The following CMTM8 variants were observed in gnomAD, a reference collection of about 807,000 sequenced individuals.
CMTM8 encodes the protein CKLF like MARVEL transmembrane domain containing 8.
Under a neutral mutation model 18.6 loss-of-function variants are expected in CMTM8, and 12 were observed. That is an observed-to-expected ratio of 0.65 (90% CI 0.41 to 1.05). The LOEUF is 1.05. Ranked by LOEUF, CMTM8 falls within the 50% of genes least tolerant of loss-of-function variation. The probability of loss-of-function intolerance (pLI) is 0.00; values close to 1 mark genes in which losing one functional copy is unlikely to be tolerated. For synonymous variants in CMTM8, 87 were observed against 90.6 expected (o/e 0.96, Z 0.23); for missense variants, 217 against 227.2 (o/e 0.95, Z 0.29).
intron 1 of CMTM8, among the ~76,000 whole-genome samples, chr3:32,276,281 G>C (rs1187943895): frequency 6.6e-6 from 1 of 152,132 alleles, no homozygotes; most frequent in Non-Finnish European, 1.5e-5. Context: ...TCAGTGAGGG[G>C]GTGCAGAGAA....
intron 2 of CMTM8, among the ~76,000 whole-genome samples, chr3:32,361,230 C>A (rs1209888652): frequency 6.8e-6 from 1 of 146,572 alleles, no homozygotes; most frequent in Non-Finnish European, 1.5e-5. Context: ...ATCCACCCGC[C>A]TCGGTCTCCC....
intron 1 of CMTM8, among the ~76,000 whole-genome samples, chr3:32,274,314 A>T (rs1468859449): frequency 3.3e-5 from 5 of 151,624 alleles, no homozygotes; most frequent in African/African-American, 4.9e-5. Context: ...AAAAAAAAAA[A>T]TTTCATGTTT....
chr3:32,272,764 A>T (rs532265770), intron 1 of CMTM8, among the ~76,000 whole-genome samples: 1 of 152,294 alleles, frequency 6.6e-6, no homozygotes, highest in East Asian at 1.9e-4. Flanking sequence ...GAGATACTCA[A>T]GTTAATTTGC....
intron 1 of CMTM8, among the ~76,000 whole-genome samples, chr3:32,289,646 C>T (rs896815796): frequency 2.0e-5 from 3 of 152,162 alleles, no homozygotes; most frequent in African/African-American, 7.2e-5. Flanking sequence ...GCCAGTCTAA[C>T]TGAAATAGAT....
intron 1 of CMTM8, among the ~76,000 whole-genome samples, chr3:32,244,863 A>C (rs1434019716): frequency 6.6e-6 from 1 of 152,178 alleles, no homozygotes; most frequent in Non-Finnish European, 1.5e-5. Flanking sequence ...ATATAAATCT[A>C]AGGGTTTTGT....
rs62244968 is a variant in CMTM8, at chr3:32,357,865, A to G, written c.321+319A>G. On this transcript the variant is annotated intron_variant, in intron 2 of 3. Transcript: ENST00000307526. ...TATTATTTCCCTGTGAACAATGTCA[A>G]CTGGAAATAAATATGCCAGGGCGCC... Among the ~76,000 whole-genome samples the G allele has an allele frequency of 3.6e-3, 553 of 152,308 alleles. 3 individuals are homozygous for G. The highest frequency in any genetic ancestry group is 5.5e-3 in the Non-Finnish European group (375 of 68,028).
At chr3:32,285,237 G>A (rs1702660402) in intron 1 of CMTM8, among the ~76,000 whole-genome samples, 1 of 152,146 alleles carries the variant, frequency 6.6e-6, no homozygotes, top group African/African-American at 2.4e-5. Context: ...TGCAGTGGCT[G>A]GGTGCAGTGG....
chr3:32,291,840 G>C (rs1221258137), intron 1 of CMTM8, among the ~76,000 whole-genome samples: 1 of 152,176 alleles, frequency 6.6e-6, no homozygotes, highest in Non-Finnish European at 1.5e-5. Flanking sequence ...CTTAAACCTA[G>C]TTCCTAGAAT....
Position 32,362,046 on chromosome 3 carries a change from CTTT to C in CMTM8, c.321+4509_321+4511del, listed in dbSNP as rs60064096. ...GTTAAAGCAGCTACTATTTTCTTTT[CTTT>C]TTTTTTTTGGAGATGGAGTCTTACT... On this transcript the variant is annotated intron_variant, in intron 2 of 3. Coordinates refer to ENST00000307526, the MANE Select transcript of CMTM8 (RefSeq NM_178868.5). 3.0e-4 allele frequency among the ~76,000 whole-genome samples: 28 copies of C among 92,074 alleles called. No homozygotes were observed. In the South Asian group the frequency reaches 7.8e-3, roughly 26 times the overall value. 60.4% of individuals were successfully genotyped at this position (92,074 alleles called of 152,430 possible).
chr3:32,346,568 C>T (rs1412164439), intron 1 of CMTM8, among the ~76,000 whole-genome samples: 2 of 152,136 alleles, frequency 1.3e-5, no homozygotes, highest in East Asian at 1.9e-4. Flanking sequence ...CTTTACATGG[C>T]CTCACTCTGG....
In CMTM8 at chr3:32,369,977, T is replaced by C. The variant is rs1344670964; in HGVS notation, c.*10T>C. On this transcript the variant is annotated 3_prime_UTR_variant, in exon 4 of 4. Transcript: ENST00000307526. Reference sequence around the variant, plus strand: ...CAGGACCATACAGTGATTTACCATTTTGATAATTAAAAGGAAAAAAAAAGG... The same window carrying C: ...CAGGACCATACAGTGATTTACCATTCTGATAATTAAAAGGAAAAAAAAAGG... 3 of 1,524,194 alleles carry C rather than the reference T, an allele frequency of 2.0e-6. No individual in the cohort carries two copies. The highest frequency in any genetic ancestry group is 1.4e-5 in the African/African-American group (1 of 73,330). 94.4% of individuals were successfully genotyped at this position (1,524,194 alleles called of 1,614,324 possible).
intron 1 of CMTM8, among the ~76,000 whole-genome samples, chr3:32,320,344 C>T (rs993088527): frequency 6.6e-6 from 1 of 152,144 alleles, no homozygotes; most frequent in African/African-American, 2.4e-5. Flanking sequence ...GGAACCTTGA[C>T]AACTTTAAGC....
chr3:32,361,664 T>C (rs888005231), intron 2 of CMTM8, among the ~76,000 whole-genome samples: 4 of 152,142 alleles, frequency 2.6e-5, no homozygotes, highest in African/African-American at 4.8e-5. Context: ...GAACTTTGCA[T>C]TGGAATCTTA....
intron 1 of CMTM8, among the ~76,000 whole-genome samples, chr3:32,302,895 C>G (rs1034865187): frequency 2.6e-5 from 4 of 152,108 alleles, no homozygotes; most frequent in Non-Finnish European, 5.9e-5. Context: ...ACAAAGGAAC[C>G]CTGGGGCATT....
At chr3:32,268,282 A>G (rs1702379831) in intron 1 of CMTM8, among the ~76,000 whole-genome samples, 1 of 152,210 alleles carries the variant, frequency 6.6e-6, no homozygotes, top group Non-Finnish European at 1.5e-5. Flanking sequence ...TGATGAGTTC[A>G]TGTCCTTTGC....
chr3:32,326,793 G>C (rs952513153), intron 1 of CMTM8, among the ~76,000 whole-genome samples: 1 of 152,132 alleles, frequency 6.6e-6, no homozygotes, highest in African/African-American at 2.4e-5. Context: ...TAGGATTTCA[G>C]GTGTGAGCCA....
In CMTM8 at chr3:32,306,478, A is replaced by T. The variant is rs115942459; in HGVS notation, c.148-50895A>T. 2.3e-3 allele frequency among the ~76,000 whole-genome samples: 357 copies of T among 152,346 alleles called. 1 individual carries two copies. Among genetic ancestry groups the T allele is most frequent in the African/African-American group, 7.6e-3 (316 of 41,580 alleles). On this transcript the variant is annotated intron_variant, in intron 1 of 3. Transcript: ENST00000307526. The stretch of plus-strand genomic sequence containing the variant: ...GGTTATAGGGAGTTTAATTAGAGCC[A>T]TTGATTAGTCAGAGTATGCATCCAC...
chr3:32,244,938 C>CT (rs1281582965), intron 1 of CMTM8, among the ~76,000 whole-genome samples: 5 of 152,162 alleles, frequency 3.3e-5, no homozygotes, highest in African/African-American at 1.2e-4. Context: ...TAGTATGAGC[C>CT]TTTTAAACTA....
At chr3:32,303,384 C>G (rs1484126900) in intron 1 of CMTM8, among the ~76,000 whole-genome samples, 4 of 152,160 alleles carry the variant, frequency 2.6e-5, no homozygotes, top group Admixed American at 2.6e-4. Context: ...TCTGATGCAT[C>G]AAAATGTCTG....
Sources: gnomAD v4.1 joint callset for allele counts (sites outside exome capture counted in the v4.1 genomes callset) on GRCh38, gnomAD v4.1.1 for gene constraint, MANE v1.5 for transcripts, NCBI Gene and HGNC (gene_info 2026-07-23, HGNC 2026-07-21) for gene names.